The following DDX60 variants were observed in gnomAD, a reference collection of about 807,000 sequenced individuals.
DDX60 encodes DExD/H-box helicase 60, also known as probable ATP-dependent RNA helicase DDX60.
DDX60 carries 165 observed loss-of-function variants against 212.8 expected under a neutral mutation model. The observed-to-expected ratio is 0.78, with a 90% CI of 0.68 to 0.88. The LOEUF (loss-of-function observed/expected upper bound fraction) is 0.88. DDX60 is among the 40% of genes least tolerant of loss of function. DDX60 has a pLI of 0.00. For missense variants in DDX60, 1,905 were observed against 2,003.9 expected, an observed-to-expected ratio of 0.95 and a Z score of 0.94; for synonymous variants, 703 against 685.3, an observed-to-expected ratio of 1.03 and a Z score of -0.40.
chr4:168,290,093 C>A (rs376317092), intron 8 of DDX60, among the ~76,000 whole-genome samples: 1 of 152,168 alleles, frequency 6.6e-6, no homozygotes, highest in Admixed American at 6.5e-5. Flanking sequence ...CAGAATCCTA[C>A]GTGACTTGTC....
chr4:168,286,416 A>ACC (rs1553969593), intron 10 of DDX60, among the ~76,000 whole-genome samples: 1 of 115,758 alleles, frequency 8.6e-6, no homozygotes, highest in Non-Finnish European at 1.8e-5. Context: ...ACACACACAC[A>ACC]CCACACGAGA....
upstream of DDX60, among the ~76,000 whole-genome samples, chr4:168,321,280 A>G (rs1466227721): frequency 1.3e-5 from 2 of 152,086 alleles, no homozygotes; most frequent in East Asian, 3.9e-4. Context: ...GAGGACTCCC[A>G]AATGTTTGTC....
intron 33 of DDX60, among the ~76,000 whole-genome samples, chr4:168,232,397 T>G (rs1434030343): frequency 2.6e-5 from 4 of 152,066 alleles, no homozygotes; most frequent in Non-Finnish European, 4.4e-5. Flanking sequence ...AAAGCCCATA[T>G]AGTCAAAGGA....
intron 32 of DDX60, 22 bp from the exon 33 acceptor site, chr4:168,236,395 C>T (rs1402529856): frequency 1.8e-5 from 28 of 1,566,384 alleles, no homozygotes; most frequent in Non-Finnish European, 2.3e-5. Flanking sequence ...AAAGTGTCTT[C>T]TTGTAAATAT....
chr4:168,306,295 G>C (rs1736870650), intron 5 of DDX60, 84 bp downstream of exon 5: 1 of 885,250 alleles, frequency 1.1e-6, no homozygotes, highest in Admixed American at 2.8e-5. Flanking sequence ...TAATTTCCTA[G>C]AGGAGGAGGA....
chr4:168,275,959 C>A, intron 15 of DDX60, 56 bp downstream of exon 15: 4 of 1,395,124 alleles, frequency 2.9e-6, no homozygotes, highest in South Asian at 3.5e-5. Flanking sequence ...TTGCAAAACA[C>A]TTTATGTATA....
At chr4:168,261,100 TA>T (rs1413277819) in intron 24 of DDX60, 111 bp from the exon 25 acceptor site, 4 of 1,140,226 alleles carry the variant, frequency 3.5e-6, no homozygotes, top group East Asian at 2.5e-5. Flanking sequence ...TGGGTTTTTT[TA>T]AAATAGTCCT....
At chr4:168,306,867 T>C (rs756915001) in intron 4 of DDX60, 147 bp from the exon 5 acceptor site, 8 of 631,290 alleles carry the variant, frequency 1.3e-5, no homozygotes, top group Non-Finnish European at 1.9e-5. Context: ...TAAACTTTAC[T>C]ACCATCTTAC....
chr4:168,289,881 C>A (rs959742808), intron 8 of DDX60, among the ~76,000 whole-genome samples: 1 of 152,168 alleles, frequency 6.6e-6, no homozygotes, highest in Non-Finnish European at 1.5e-5. Flanking sequence ...TGGTCCCTGG[C>A]ACCATCAACA....
At chr4:168,306,333 C>T (rs777348384) in intron 5 of DDX60, 46 bp downstream of exon 5, 2 of 1,473,456 alleles carry the variant, frequency 1.4e-6, no homozygotes, top group Non-Finnish European at 1.8e-6. Context: ...TAACTTAGAA[C>T]ATTTTGAAAA....
At chr4:168,280,128 A>G (rs1258068550) in intron 14 of DDX60, among the ~76,000 whole-genome samples, 1 of 152,212 alleles carries the variant, frequency 6.6e-6, no homozygotes, top group Non-Finnish European at 1.5e-5. Flanking sequence ...GGCATTTGGT[A>G]CTATCCACAG....
rs1032458678 is a variant in DDX60, at chr4:168,308,202, T to C, written c.75-7A>G. On this transcript the variant is annotated splice_region_variant and splice_polypyrimidine_tract_variant and intron_variant, in intron 3 of 37. Coordinates refer to ENST00000393743, the MANE Select transcript of DDX60 (RefSeq NM_017631.6). ...ATTGAATAAACTGGAATATCTAAAA[T>C]GAAAAACAGTTAAAACAAAAATCAC... 4.0e-6 allele frequency: 6 copies of C among 1,509,224 alleles called. No individual in the cohort carries two copies. Among genetic ancestry groups the C allele is most frequent in the Non-Finnish European group, 9.0e-7 (1 of 1,108,642 alleles). 93.5% of individuals were successfully genotyped at this position (1,509,224 alleles called of 1,614,324 possible). A position where few individuals can be genotyped will look rare whatever the true frequency, so the allele number is the denominator to read the frequency against.
intron 35 of DDX60, 24 bp from the exon 36 acceptor site, chr4:168,221,905 A>G: frequency 6.3e-7 from 1 of 1,596,536 alleles, no homozygotes; most frequent in Non-Finnish European, 8.6e-7. Context: ...ATTATTCTTA[A>G]TGTATTATTT....
At chr4:168,270,463 AG>A (rs987920941) in intron 19 of DDX60, among the ~76,000 whole-genome samples, 1 of 152,246 alleles carries the variant, frequency 6.6e-6, no homozygotes, top group African/African-American at 2.4e-5. Context: ...TGATTCTGCC[AG>A]AATAGACATT....
chr4:168,282,475 TTA>T (rs1178891187), intron 13 of DDX60, among the ~76,000 whole-genome samples: 1 of 152,182 alleles, frequency 6.6e-6, no homozygotes, highest in African/African-American at 2.4e-5. Context: ...TTTGAGGTCT[TTA>T]TATGTTCCAT....
the DDX60 span, among the ~76,000 whole-genome samples, chr4:168,325,709 T>C: frequency 1.3e-5 from 2 of 152,230 alleles, no homozygotes; most frequent in Admixed American, 6.5e-5. Flanking sequence ...GCCAGTTCCA[T>C]AGAAATTCTT....
Position 168,221,724 on chromosome 4 carries a change from A to G in DDX60, c.4976+6T>C, listed in dbSNP as rs1560807812. 1 of 1,603,018 alleles carries G rather than the reference A, an allele frequency of 6.2e-7. No individual in the cohort carries two copies. The highest frequency in any genetic ancestry group is 8.5e-7 in the Non-Finnish European group (1 of 1,171,602). On this transcript the variant is annotated splice_donor_region_variant and intron_variant, in intron 36 of 37. Transcript: ENST00000393743. ...AGAGAAACAGAGACAGACAGAGAGG[A>G]CATACCTGTTATCCTGGACTAATCC...
In DDX60 at chr4:168,258,620, T is replaced by C. The variant is rs555058830; in HGVS notation, c.3398+2245A>G. ...AGAGAATTCAAGAGTCATATAAACA[T>C]GCCAAGCTTCAATTCTTCAAGTATA... On this transcript the variant is annotated intron_variant, in intron 25 of 37. Transcript: ENST00000393743. Among the ~76,000 whole-genome samples the C allele has an allele frequency of 1.0e-3, 156 of 152,310 alleles. 1 individual carries two copies. The highest frequency in any genetic ancestry group is 3.6e-3 in the African/African-American group (148 of 41,582).
At chr4:168,279,723 T>C (rs775492923) in intron 14 of DDX60, among the ~76,000 whole-genome samples, 9 of 152,180 alleles carry the variant, frequency 5.9e-5, no homozygotes, top group Non-Finnish European at 1.2e-4. Context: ...TGAAACAACA[T>C]ATTGAAGTTC....
Sources: allele counts gnomAD v4.1 joint callset (sites outside exome capture counted in the v4.1 genomes callset), GRCh38; gene constraint gnomAD v4.1.1; transcripts MANE v1.5; gene names NCBI Gene and HGNC (gene_info 2026-07-23, HGNC 2026-07-21).